Variants in SPAG9 observed in about 807,000 individuals in gnomAD.
SPAG9 encodes the protein sperm associated antigen 9.
Under a neutral mutation model 166.5 loss-of-function variants are expected in SPAG9, and 35 were observed. The observed-to-expected ratio is 0.21, with a 90% CI of 0.16 to 0.28. The LOEUF is 0.28. SPAG9 is among the 10% of genes least tolerant of loss of function. The probability of loss-of-function intolerance (pLI) is 1.00; values close to 1 mark genes in which losing one functional copy is unlikely to be tolerated. For missense variants in SPAG9, 1,235 were observed against 1,603.3 expected, an observed-to-expected ratio of 0.77 and a Z score of 3.92; for synonymous variants, 534 against 565.5, an observed-to-expected ratio of 0.94 and a Z score of 0.79.
At chr17:50,996,361 T>C (rs894936707) in intron 16 of SPAG9, 24 of 571,670 alleles carry the variant, frequency 4.2e-5, no homozygotes, top group Non-Finnish European at 6.4e-5. Flanking sequence ...CCTCCCCCCC[T>C]CACAGACTCA....
Position 50,965,775 on chromosome 17 carries a change from C to T in SPAG9, c.*497G>A, listed in dbSNP as rs1195758429. The T allele has an allele frequency of 6.5e-6, 1 of 153,158 alleles. No individual in the cohort carries two copies. The highest frequency in any genetic ancestry group is 1.5e-5 in the Non-Finnish European group (1 of 68,610). The allele number at this position is 153,158 out of a possible 1,614,324, so 9.5% of individuals were successfully genotyped here. ...GAAAGTTAAAGTAATTTACAGTTAG[C>T]TTTTAACCCTCTCGGGACATTTAGA... On this transcript the variant is annotated 3_prime_UTR_variant, in exon 30 of 30. Coordinates refer to ENST00000262013, the MANE Select transcript of SPAG9 (RefSeq NM_001130528.3).
intron 5 of SPAG9, among the ~76,000 whole-genome samples, chr17:51,033,195 C>T (rs1015683784): frequency 6.6e-6 from 1 of 150,858 alleles, no homozygotes; most frequent in Admixed American, 6.6e-5. Flanking sequence ...TTTATAAGAT[C>T]TTTGATTCTA....
chr17:51,029,631 G>A (rs149630585), intron 6 of SPAG9, among the ~76,000 whole-genome samples: 1 of 152,224 alleles, frequency 6.6e-6, no homozygotes, highest in African/African-American at 2.4e-5. Flanking sequence ...TGAACCTTGA[G>A]GACATTATGC....
At chr17:51,008,346 G>C (rs2045312820) in intron 9 of SPAG9, among the ~76,000 whole-genome samples, 1 of 151,498 alleles carries the variant, frequency 6.6e-6, no homozygotes, top group Non-Finnish European at 1.5e-5. Flanking sequence ...ACACACTAGG[G>C]AATATCACTC....
rs139184249 is a variant in SPAG9 at position 51,070,513 on chromosome 17, A to G, written c.424+9071T>C. Among the ~76,000 whole-genome samples, 1,285 of 152,296 alleles carry G rather than the reference A, an allele frequency of 8.4e-3. 18 individuals are homozygous for G. Among genetic ancestry groups the G allele is most frequent in the African/African-American group, 0.029 (1,189 of 41,550 alleles). ...GGAAAACTTGTAGATGTAAAAAAAT[A>G]TTTACTGCAATATGATTCAGTATAC... On this transcript the variant is annotated intron_variant, in intron 2 of 29. Transcript: ENST00000262013.
At chr17:50,997,369 T>C (rs1446256147) in intron 15 of SPAG9, among the ~76,000 whole-genome samples, 1 of 152,216 alleles carries the variant, frequency 6.6e-6, no homozygotes, top group Admixed American at 6.5e-5. Flanking sequence ...AAATATTTAC[T>C]GAGAATATCC....
intron 6 of SPAG9, among the ~76,000 whole-genome samples, chr17:51,021,840 C>T (rs2045949359): frequency 6.9e-6 from 1 of 144,556 alleles, no homozygotes; most frequent in Non-Finnish European, 1.6e-5. Flanking sequence ...GCTTGAAGTG[C>T]TTGTTAAAAC....
rs972906427 is a variant in SPAG9, at chr17:51,044,788, T to C, written c.590+2587A>G. ...CCAGTACTGTTCAATTCCAAGCCCT[T>C]TGCTTTCCTTGGAACTTCCTACTTG... is the stretch of plus-strand genomic sequence containing the variant. On this transcript the variant is annotated intron_variant, in intron 4 of 29. Coordinates refer to ENST00000262013, the MANE Select transcript of SPAG9 (RefSeq NM_001130528.3). 2.6e-5 allele frequency among the ~76,000 whole-genome samples: 4 copies of C among 152,336 alleles called. 1 individual carries two copies. The highest frequency in any genetic ancestry group is 4.1e-4 in the South Asian group (2 of 4,832).
At chr17:51,102,043 AC>A (rs2048821530) in intron 1 of SPAG9, among the ~76,000 whole-genome samples, 1 of 151,992 alleles carries the variant, frequency 6.6e-6, no homozygotes, top group African/African-American at 2.4e-5. Context: ...TGTTTTACTC[AC>A]CATTTTATCT....
intron 1 of SPAG9, among the ~76,000 whole-genome samples, chr17:51,098,928 G>C (rs1228758976): frequency 2.0e-5 from 3 of 151,374 alleles, no homozygotes; most frequent in African/African-American, 7.3e-5. Flanking sequence ...GCTGAAACCC[G>C]GTCTCTACTA....
chr17:50,978,589 C>G (rs996653915), intron 26 of SPAG9, among the ~76,000 whole-genome samples: 1 of 152,078 alleles, frequency 6.6e-6, no homozygotes, highest in Non-Finnish European at 1.5e-5. Context: ...AAGACTGGTA[C>G]GATCACAATA....
chr17:51,029,478 ATTAT>A (rs1240797342), intron 6 of SPAG9, among the ~76,000 whole-genome samples: 1 of 152,222 alleles, frequency 6.6e-6, no homozygotes, highest in South Asian at 2.1e-4. Context: ...TCACAAAAGC[ATTAT>A]TCGTAACAGC....
At chr17:51,089,122 CA>C (rs1220398997) in intron 1 of SPAG9, among the ~76,000 whole-genome samples, 2 of 144,816 alleles carry the variant, frequency 1.4e-5, no homozygotes, top group African/African-American at 5.1e-5. Flanking sequence ...CACACACACA[CA>C]AAAAAAAAAC....
rs73346144 is a variant in SPAG9, at chr17:50,995,029, C to G, written c.2226+28G>C. The G allele has an allele frequency of 1.1e-3, 1,656 of 1,566,324 alleles. 22 individuals are homozygous for G. The African/African-American group carries it at 0.02, about 19-fold the overall frequency. ...GAGTTAAACTCATAGTCTCATAAAC[C>G]AGGTCAAATGTTAGTACACACACTT... On this transcript the variant is annotated intron_variant, in intron 18 of 29. Coordinates refer to ENST00000262013, the MANE Select transcript of SPAG9 (RefSeq NM_001130528.3).
intron 9 of SPAG9, among the ~76,000 whole-genome samples, chr17:51,012,915 T>G (rs961027224): frequency 6.6e-6 from 1 of 151,496 alleles, no homozygotes; most frequent in Non-Finnish European, 1.5e-5. Flanking sequence ...CCTGGCTAAT[T>G]TTGATATTTT....
At position 51,040,246 on chromosome 17, in the gene SPAG9, CA is replaced by C. The variant is rs373207596; in HGVS notation, c.741+1254del. 2.0e-3 allele frequency among the ~76,000 whole-genome samples: 151 copies of C among 75,560 alleles called. 1 individual carries two copies. Among genetic ancestry groups the C allele is most frequent in the Admixed American group, 3.4e-3 (22 of 6,524 alleles). 49.6% of individuals were successfully genotyped at this position (75,560 alleles called of 152,430 possible). ...TGAGCGACACAGCAAGACTCTGTCTCAAAAAAAAAAAAAAAAAAGTGAGAGC... is the reference window on the plus strand; with the variant it reads ...TGAGCGACACAGCAAGACTCTGTCTCAAAAAAAAAAAAAAAAAGTGAGAGC... On this transcript the variant is annotated intron_variant, in intron 5 of 29. Coordinates refer to ENST00000262013, the MANE Select transcript of SPAG9 (RefSeq NM_001130528.3).
chr17:51,112,754 C>T (rs896363770), intron 1 of SPAG9, among the ~76,000 whole-genome samples: 2 of 148,826 alleles, frequency 1.3e-5, no homozygotes, highest in Non-Finnish European at 3.0e-5. Flanking sequence ...AGTTCCAGAC[C>T]AGACTGGGCA....
intron 1 of SPAG9, among the ~76,000 whole-genome samples, chr17:51,080,912 A>G (rs999188666): frequency 5.1e-4 from 76 of 149,408 alleles, no homozygotes; most frequent in Admixed American, 5.4e-4. Flanking sequence ...AAAAAAAAAA[A>G]GCATCTTAAA....
At chr17:51,095,835 G>T (rs928035690) in intron 1 of SPAG9, among the ~76,000 whole-genome samples, 1 of 142,792 alleles carries the variant, frequency 7.0e-6, no homozygotes, top group Non-Finnish European at 1.5e-5. Flanking sequence ...GAGATATAGA[G>T]ATATATAGTG....
Sources: allele counts gnomAD v4.1 joint callset (sites outside exome capture counted in the v4.1 genomes callset), GRCh38; gene constraint gnomAD v4.1.1; transcripts MANE v1.5; gene names NCBI Gene and HGNC (gene_info 2026-07-23, HGNC 2026-07-21).